MDGA2: variants seen among roughly 807,000 people sequenced by gnomAD.
MDGA2 encodes the protein MAM domain-containing glycosylphosphatidylinositol anchor protein 2.
MDGA2 carries 40 observed loss-of-function variants against 117.8 expected under a neutral mutation model. That is an observed-to-expected ratio of 0.34 (90% CI 0.26 to 0.44). The LOEUF (loss-of-function observed/expected upper bound fraction) is 0.44, where lower values mean the gene tolerates loss of function less well. Ranked by LOEUF, MDGA2 falls within the 20% of genes least tolerant of loss-of-function variation. The pLI, the probability that MDGA2 is intolerant of heterozygous loss-of-function variation, is 1.00. For missense variants in MDGA2, 1,123 were observed against 1,250.6 expected, an observed-to-expected ratio of 0.90 and a Z score of 1.54; for synonymous variants, 452 against 439.0, an observed-to-expected ratio of 1.03 and a Z score of -0.37.
chr14:46,906,572 A>G (rs1457722986), intron 10 of MDGA2, among the ~76,000 whole-genome samples: 1 of 152,142 alleles, frequency 6.6e-6, no homozygotes, highest in Non-Finnish European at 1.5e-5. Flanking sequence ...AAATTTGGTA[A>G]GATTTCACTA....
intron 14 of MDGA2, among the ~76,000 whole-genome samples, chr14:46,866,562 G>C (rs1304708381): frequency 6.6e-6 from 1 of 152,044 alleles, no homozygotes; most frequent in Non-Finnish European, 1.5e-5. Flanking sequence ...AAACTAAAGA[G>C]CTTCTGCACA....
chr14:47,543,767 A>G (rs1895401191), intron 1 of MDGA2, among the ~76,000 whole-genome samples: 2 of 152,226 alleles, frequency 1.3e-5, no homozygotes, highest in South Asian at 2.1e-4. Context: ...GAAAGATGCT[A>G]TCTAAGAGAT....
intron 1 of MDGA2, among the ~76,000 whole-genome samples, chr14:47,306,639 A>G (rs936101822): frequency 6.6e-6 from 1 of 152,152 alleles, no homozygotes; most frequent in Non-Finnish European, 1.5e-5. Context: ...CTACTCTTCC[A>G]CACTAGGTCA....
chr14:47,359,749 A>C (rs1891073897), intron 1 of MDGA2, among the ~76,000 whole-genome samples: 1 of 18,618 alleles, frequency 5.4e-5, no homozygotes, highest in African/African-American at 2.0e-4. Flanking sequence ...AGACTGTCTC[A>C]AAAAAAAAAA....
At chr14:47,318,221 A>C (rs565543675) in intron 1 of MDGA2, among the ~76,000 whole-genome samples, 3 of 152,250 alleles carry the variant, frequency 2.0e-5, no homozygotes, top group African/African-American at 7.2e-5. Flanking sequence ...TGGTTTTCTA[A>C]CACTTTAAAA....
chr14:47,009,101 C>T (rs1887809472), intron 8 of MDGA2, among the ~76,000 whole-genome samples: 1 of 152,002 alleles, frequency 6.6e-6, no homozygotes, highest in African/African-American at 2.4e-5. Flanking sequence ...TAATGTAGCA[C>T]TCATTCGATA....
At chr14:46,848,194 G>T (rs1393324953) in intron 15 of MDGA2, among the ~76,000 whole-genome samples, 1 of 151,966 alleles carries the variant, frequency 6.6e-6, no homozygotes, top group East Asian at 1.9e-4. Flanking sequence ...CTTTTATTAG[G>T]AAGGATGTTT....
chr14:47,320,722 T>C (rs560473035), intron 1 of MDGA2, among the ~76,000 whole-genome samples: 21 of 152,296 alleles, frequency 1.4e-4, no homozygotes, highest in African/African-American at 5.1e-4. Context: ...AATTTTATTG[T>C]ACCTTAAACT....
At chr14:47,172,253 G>A (rs2139325895) in intron 3 of MDGA2, among the ~76,000 whole-genome samples, 1 of 152,256 alleles carries the variant, frequency 6.6e-6, no homozygotes, top group South Asian at 2.1e-4. Context: ...AGTAACCTCT[G>A]CAGACTTAAC....
intron 4 of MDGA2, among the ~76,000 whole-genome samples, chr14:47,143,706 T>G (rs1882818977): frequency 6.6e-6 from 1 of 152,160 alleles, no homozygotes; most frequent in African/African-American, 2.4e-5. Flanking sequence ...TTAATAGTTA[T>G]TCACCATTTG....
At chr14:47,416,473 G>A (rs1892478083) in intron 1 of MDGA2, among the ~76,000 whole-genome samples, 1 of 152,110 alleles carries the variant, frequency 6.6e-6, no homozygotes, top group Non-Finnish European at 1.5e-5. Context: ...GCTCTAATGG[G>A]TTGTAGTTAG....
At chr14:47,395,752 G>A (rs1021564859) in intron 1 of MDGA2, among the ~76,000 whole-genome samples, 1 of 151,948 alleles carries the variant, frequency 6.6e-6, no homozygotes, top group African/African-American at 2.4e-5. Context: ...TAAAGTATAG[G>A]AGCTGAGAAT....
At chr14:47,627,335 G>A (rs1025333113) in intron 1 of MDGA2, among the ~76,000 whole-genome samples, 1 of 151,922 alleles carries the variant, frequency 6.6e-6, no homozygotes, top group Non-Finnish European at 1.5e-5. Context: ...CTCAAGGTTT[G>A]TGAATGCACC....
intron 2 of MDGA2, among the ~76,000 whole-genome samples, chr14:47,301,189 T>C (rs1889266355): frequency 6.6e-6 from 1 of 152,138 alleles, no homozygotes; most frequent in Non-Finnish European, 1.5e-5. Flanking sequence ...TTTTTTCATC[T>C]TATACAAAAG....
intron 9 of MDGA2, among the ~76,000 whole-genome samples, chr14:46,955,595 C>G (rs1207866818): frequency 6.6e-6 from 1 of 151,956 alleles, no homozygotes; most frequent in Non-Finnish European, 1.5e-5. Context: ...ACGGTATTCT[C>G]TTAGCCCCTT....
chr14:47,078,962 T>G (rs551849941), intron 6 of MDGA2, among the ~76,000 whole-genome samples: 4 of 151,820 alleles, frequency 2.6e-5, no homozygotes, highest in South Asian at 4.2e-4. Flanking sequence ...GCCCCCAGTC[T>G]CTCGTAACCA....
chr14:47,333,006 C>A (rs1890336331), intron 1 of MDGA2, among the ~76,000 whole-genome samples: 1 of 151,872 alleles, frequency 6.6e-6, no homozygotes, highest in Admixed American at 6.6e-5. Flanking sequence ...GAATAGTATT[C>A]CATTGTATCT....
intron 5 of MDGA2, among the ~76,000 whole-genome samples, chr14:47,130,707 A>G (rs1882160031): frequency 6.6e-6 from 1 of 152,122 alleles, no homozygotes. Context: ...TCTTTCTACA[A>G]CTTCATGAGT....
At chr14:47,218,306 C>G in intron 2 of MDGA2, 111 bp from the exon 3 acceptor site, 1 of 895,390 alleles carries the variant, frequency 1.1e-6, no homozygotes, top group Non-Finnish European at 1.6e-6. Flanking sequence ...CATTGCCTCT[C>G]CCATCAAATT....
Sources: allele counts gnomAD v4.1 joint callset (sites outside exome capture counted in the v4.1 genomes callset), GRCh38; gene constraint gnomAD v4.1.1; transcripts MANE v1.5; gene names NCBI Gene and HGNC (gene_info 2026-07-23, HGNC 2026-07-21).